KIR2DL3: variants seen among roughly 807,000 people sequenced by gnomAD.
KIR2DL3 encodes the protein killer cell immunoglobulin-like receptor 2DL3.
In KIR2DL3, 39 loss-of-function variants were observed where a neutral mutation model predicts 33.8. The ratio of observed to expected loss-of-function variants is 1.15; its 90% confidence interval spans 0.89 to 1.51. The LOEUF (loss-of-function observed/expected upper bound fraction) is 1.51. KIR2DL3 is among the 40% of genes most tolerant of loss of function. The pLI, the probability that KIR2DL3 is intolerant of heterozygous loss-of-function variation, is 0.00. For missense variants in KIR2DL3, 462 were observed against 426.2 expected (o/e 1.08, Z -0.74); for synonymous variants, 174 against 160.2 (o/e 1.09, Z -0.65).
At position 54,742,576 on chromosome 19, in the gene KIR2DL3, A is replaced by G. The variant is rs1030483458; in HGVS notation, c.370+297A>G. Among the ~76,000 whole-genome samples the G allele has an allele frequency of 2.0e-5, 3 of 152,114 alleles. No homozygotes were observed. In the East Asian group the frequency reaches 5.8e-4, roughly 29 times the overall value. ...GTGTCCCTCCATGCTGACTTTGCTC[A>G]CAGACCTGGCACAGGTTAGAAGTTT... On this transcript the variant is annotated intron_variant, in intron 3 of 7. Coordinates refer to ENST00000342376, the MANE Select transcript of KIR2DL3 (RefSeq NM_015868.3).
chr19:54,749,180 G>A (rs1446485090), intron 5 of KIR2DL3, among the ~76,000 whole-genome samples: 3 of 149,912 alleles, frequency 2.0e-5, no homozygotes, highest in Non-Finnish European at 4.5e-5. Context: ...GTAGAGAGAC[G>A]GAGAGCACAC....
chr19:54,747,156 A>G (rs2072641510), intron 4 of KIR2DL3, among the ~76,000 whole-genome samples, 179 bp from the exon 5 acceptor site: 2 of 146,880 alleles, frequency 1.4e-5, no homozygotes, highest in African/African-American at 2.5e-5. Context: ...TTCTCTTTAT[A>G]CCTTGAAGTC....
In KIR2DL3 at chr19:54,742,857, C is replaced by T. The variant is rs1452292374; in HGVS notation, c.370+578C>T. ...GTGGCTCACATTCCAAATAACCCCA[C>T]ATATGAAAGGATCACTGAGAGGCAC... On this transcript the variant is annotated intron_variant, in intron 3 of 7. Coordinates refer to ENST00000342376, the MANE Select transcript of KIR2DL3 (RefSeq NM_015868.3). 2.0e-5 allele frequency among the ~76,000 whole-genome samples: 3 copies of T among 151,334 alleles called. No homozygotes were observed. In the East Asian group the frequency reaches 5.8e-4, roughly 29 times the overall value.
chr19:54,741,444 G>C (rs1353366479), intron 2 of KIR2DL3, among the ~76,000 whole-genome samples: 1 of 152,080 alleles, frequency 6.6e-6, no homozygotes, highest in African/African-American at 2.4e-5. Flanking sequence ...CATCCACATA[G>C]GGAGGGGTTG....
chr19:54,745,824 T>C (rs1446460390), intron 4 of KIR2DL3, among the ~76,000 whole-genome samples: 3 of 147,390 alleles, frequency 2.0e-5, no homozygotes, highest in African/African-American at 7.4e-5. Context: ...TATTTCATTT[T>C]ATTTTGAGAT....
Position 54,741,969 on chromosome 19 carries a change from T to C in KIR2DL3, c.71-11T>C, listed in dbSNP as rs1224398525. ...AGAGACACCTTCTAAACTCACAACC[T>C]CTCTTCCTAGGAGTCCACAGAAAAC... On this transcript the variant is annotated splice_polypyrimidine_tract_variant and intron_variant, in intron 2 of 7. Transcript: ENST00000342376. 9.8e-5 allele frequency: 156 copies of C among 1,598,938 alleles called. No individual in the cohort carries two copies. The African/African-American group carries it at 1.9e-3, about 20-fold the overall frequency.
rs1371628892 is a variant in KIR2DL3, at chr19:54,751,141, G to A, written c.716-508G>A. ...GGCACCAGCATCTATTTCTCGTGAC[G>A]GCCTCAGGCTGCTCCCACTCTGGCA... On this transcript the variant is annotated intron_variant, in intron 5 of 7. Coordinates refer to ENST00000342376, the MANE Select transcript of KIR2DL3 (RefSeq NM_015868.3). 3.3e-5 allele frequency among the ~76,000 whole-genome samples: 4 copies of A among 123,052 alleles called. 1 individual carries two copies. The highest frequency in any genetic ancestry group is 8.7e-5 in the Admixed American group (1 of 11,498). 80.7% of individuals were successfully genotyped at this position (123,052 alleles called of 152,430 possible).
intron 4 of KIR2DL3, among the ~76,000 whole-genome samples, chr19:54,746,850 G>T (rs1416544064): frequency 8.1e-4 from 119 of 147,510 alleles, no homozygotes; most frequent in African/African-American, 2.9e-3. Flanking sequence ...GAGCATGGTG[G>T]TCAGCACCTG....
chr19:54,740,726 A>T (rs2070895018), intron 2 of KIR2DL3, among the ~76,000 whole-genome samples: 1 of 151,870 alleles, frequency 6.6e-6, no homozygotes, highest in African/African-American at 2.4e-5. Context: ...CCCAGTGATG[A>T]CTACATTCTA....
In KIR2DL3 at chr19:54,751,764, C is replaced by G; in HGVS notation, c.820+11C>G. 8 of 1,450,764 alleles carry G rather than the reference C, an allele frequency of 5.5e-6. 1 individual carries two copies. The highest frequency in any genetic ancestry group is 4.7e-5 in the African/African-American group (3 of 64,328). 89.9% of individuals were successfully genotyped at this position (1,450,764 alleles called of 1,614,324 possible). ...GCTGCAACAAAAAAAGTAAGTCTCACGAAGCAGAGGCCAGAGAGCTCAGGG... is the reference window on the plus strand; with the variant it reads ...GCTGCAACAAAAAAAGTAAGTCTCAGGAAGCAGAGGCCAGAGAGCTCAGGG... On this transcript the variant is annotated intron_variant, in intron 6 of 7. Transcript: ENST00000342376.
At position 54,742,141 on chromosome 19, in the gene KIR2DL3, G is replaced by T; in HGVS notation, c.232G>T (p.Asp78Tyr). 1 of 1,614,124 alleles carries T rather than the reference G, an allele frequency of 6.2e-7. No homozygotes were observed. Among genetic ancestry groups the T allele is most frequent in the Non-Finnish European group, 8.5e-7 (1 of 1,180,022 alleles). Residue 78 changes from aspartate to tyrosine, a missense_variant, in exon 3 of 8, where the codon GAT (aspartate) becomes TAT (tyrosine). By Grantham distance (160) the Asp-to-Tyr change is radical. Transcript: ENST00000342376. Reference protein sequence around the residue: ...DTLHLIGEHHDGVSKANFSIG... With the variant: ...DTLHLIGEHHYGVSKANFSIG... Reference sequence around the variant, plus strand: ...TTTGCACCTCATTGGAGAGCACCATGATGGGGTCTCCAAGGCCAACTTCTC... The same window carrying T: ...TTTGCACCTCATTGGAGAGCACCATTATGGGGTCTCCAAGGCCAACTTCTC...
At chr19:54,743,067 A>C (rs1220123362) in intron 3 of KIR2DL3, among the ~76,000 whole-genome samples, 1 of 151,924 alleles carries the variant, frequency 6.6e-6, no homozygotes, top group Admixed American at 6.6e-5. Context: ...GCACAAGGAC[A>C]TAGAAACATG....
At chr19:54,745,724 C>T (rs1182245058) in intron 4 of KIR2DL3, among the ~76,000 whole-genome samples, 1 of 151,762 alleles carries the variant, frequency 6.6e-6, no homozygotes, top group Non-Finnish European at 1.5e-5. Flanking sequence ...CTAATTTACA[C>T]TCCTACCAAC....
chr19:54,747,588 G>T (rs1476560347), intron 5 of KIR2DL3, among the ~76,000 whole-genome samples: 1 of 152,144 alleles, frequency 6.6e-6, no homozygotes, highest in East Asian at 1.9e-4. Flanking sequence ...ATTTTATGGA[G>T]CTGAGACCTC....
In KIR2DL3 at chr19:54,741,896, C is replaced by T. The variant is rs563052818; in HGVS notation, c.71-84C>T. ...GAGGAAGGAGAGAGACAGACACCAG[C>T]AAGGGGAAGCCTCACTCATTCTAGG... On this transcript the variant is annotated intron_variant, in intron 2 of 7. Coordinates refer to ENST00000342376, the MANE Select transcript of KIR2DL3 (RefSeq NM_015868.3). 39 of 1,343,554 alleles carry T rather than the reference C, an allele frequency of 2.9e-5. No individual in the cohort carries two copies. The East Asian group carries it at 8.8e-4, about 30-fold the overall frequency. The allele number at this position is 1,343,554 out of a possible 1,614,324, so 83.2% of individuals were successfully genotyped here.
intron 4 of KIR2DL3, among the ~76,000 whole-genome samples, chr19:54,744,946 ATATATATATTTTTTTTTT>A (rs1375395132): frequency 3.1e-4 from 8 of 26,180 alleles, no homozygotes; most frequent in South Asian, 1.5e-3. Context: ...ATATATATAT[ATATATATATTTTTTTTTT>A]TTTTTTTTTT....
chr19:54,743,171 T>C (rs1246855454), intron 3 of KIR2DL3, among the ~76,000 whole-genome samples: 1 of 151,846 alleles, frequency 6.6e-6, no homozygotes, highest in Non-Finnish European at 1.5e-5. Context: ...TATAGATAGA[T>C]GATAAATAGG....
chr19:54,742,988 G>T (rs1164229462), intron 3 of KIR2DL3, among the ~76,000 whole-genome samples: 1 of 151,956 alleles, frequency 6.6e-6, no homozygotes, highest in African/African-American at 2.4e-5. Context: ...GAGAAAAGAG[G>T]GCAGAGGAGT....
chr19:54,750,984 C>T lies in KIR2DL3; in HGVS notation c.716-665C>T, dbSNP rs578257338. 3.7e-5 allele frequency among the ~76,000 whole-genome samples: 5 copies of T among 133,380 alleles called. 1 individual carries two copies. Among genetic ancestry groups the T allele is most frequent in the South Asian group, 5.3e-4 (2 of 3,746 alleles). The allele number at this position is 133,380 out of a possible 152,430, so 87.5% of individuals were successfully genotyped here. A position where few individuals can be genotyped will look rare whatever the true frequency, so the allele number is the denominator to read the frequency against. ...GAAGACAGCCCAGGCTGTTCTGAGA[C>T]GTTCCTCCTGATCTCAGGACGTTGC... On this transcript the variant is annotated intron_variant, in intron 5 of 7. Coordinates refer to ENST00000342376, the MANE Select transcript of KIR2DL3 (RefSeq NM_015868.3).
Sources: gnomAD v4.1 joint callset for allele counts (sites outside exome capture counted in the v4.1 genomes callset) on GRCh38, gnomAD v4.1.1 for gene constraint, MANE v1.5 for transcripts, NCBI Gene and HGNC (gene_info 2026-07-23, HGNC 2026-07-21) for gene names.